AP2B1: variants seen among roughly 807,000 people sequenced by gnomAD.
AP2B1 encodes AP-2 complex subunit beta.
AP2B1 carries 23 observed loss-of-function variants against 102.0 expected under a neutral mutation model. The observed-to-expected ratio is 0.23, with a 90% confidence interval of 0.16 to 0.32. The LOEUF (loss-of-function observed/expected upper bound fraction) is 0.32. Among genes scored for constraint, AP2B1 ranks in the 10% least tolerant of loss-of-function variants. The probability of loss-of-function intolerance (pLI) is 1.00; values close to 1 mark genes in which losing one functional copy is unlikely to be tolerated. For missense variants in AP2B1, 541 were observed against 1,157.4 expected, an observed-to-expected ratio of 0.47 and a Z score of 7.73; for synonymous variants, 381 against 421.2, an observed-to-expected ratio of 0.90 and a Z score of 1.17.
intron 2 of AP2B1, among the ~76,000 whole-genome samples, 189 bp downstream of exon 2, chr17:35,594,256 G>T (rs1168610738): frequency 2.0e-5 from 3 of 152,170 alleles, no homozygotes; most frequent in Non-Finnish European, 2.9e-5. Context: ...AAAAGAGAGG[G>T]CTGTGATGCA....
intron 3 of AP2B1, among the ~76,000 whole-genome samples, chr17:35,603,872 G>A (rs1397312984): frequency 1.3e-5 from 2 of 152,136 alleles, no homozygotes; most frequent in Non-Finnish European, 2.9e-5. Context: ...GGAGCCACCC[G>A]CGAAAAGTCA....
chr17:35,710,124 A>G (rs2076417688), intron 19 of AP2B1, 110 bp from the exon 20 acceptor site: 1 of 752,530 alleles, frequency 1.3e-6, no homozygotes, highest in African/African-American at 1.7e-5. Flanking sequence ...GCCTGCTGCT[A>G]GCTGTATTGC....
chr17:35,677,772 T>A (rs1007057926), intron 17 of AP2B1, among the ~76,000 whole-genome samples: 1 of 152,186 alleles, frequency 6.6e-6, no homozygotes, highest in East Asian at 1.9e-4. Context: ...CTTTAATTTC[T>A]TTTTGCAATG....
At chr17:35,689,424 C>T (rs945031367) in intron 18 of AP2B1, among the ~76,000 whole-genome samples, 2 of 152,132 alleles carry the variant, frequency 1.3e-5, no homozygotes, top group African/African-American at 4.8e-5. Flanking sequence ...GGGTGATCCG[C>T]CCTTGTGGGA....
chr17:35,703,238 C>T (rs1383320698), intron 18 of AP2B1, among the ~76,000 whole-genome samples: 126 of 128,870 alleles, frequency 9.8e-4, no homozygotes, highest in African/African-American at 3.8e-3. Flanking sequence ...GCACTCCAGC[C>T]TGGGTGACAG....
chr17:35,629,597 C>T (rs1468769600), intron 9 of AP2B1, among the ~76,000 whole-genome samples: 3 of 152,124 alleles, frequency 2.0e-5, no homozygotes. Flanking sequence ...GTGATGATTG[C>T]ATATCTATGC....
At chr17:35,707,879 A>T (rs2076376199) in intron 18 of AP2B1, among the ~76,000 whole-genome samples, 1 of 152,226 alleles carries the variant, frequency 6.6e-6, no homozygotes, top group Non-Finnish European at 1.5e-5. Flanking sequence ...CATGTTATAT[A>T]TAGGTCACAA....
At chr17:35,682,434 C>T (rs1313588693) in intron 17 of AP2B1, among the ~76,000 whole-genome samples, 5 of 150,512 alleles carry the variant, frequency 3.3e-5, no homozygotes, top group Non-Finnish European at 7.4e-5. Flanking sequence ...CCTCCGCCTC[C>T]CGAGTTCAAG....
At chr17:35,714,789 TTTATTCTATGC>T (rs2076519858) in intron 20 of AP2B1, among the ~76,000 whole-genome samples, 1 of 152,250 alleles carries the variant, frequency 6.6e-6, no homozygotes, top group Non-Finnish European at 1.5e-5. Context: ...ACCATCTTTT[TTTATTCTATGC>T]TTTGGGATAA....
intron 17 of AP2B1, among the ~76,000 whole-genome samples, chr17:35,676,432 A>T (rs1262322303): frequency 6.6e-6 from 1 of 152,182 alleles, no homozygotes; most frequent in Non-Finnish European, 1.5e-5. Context: ...TGCTTTTGAA[A>T]TGTGTATATC....
chr17:35,694,874 C>G (rs779650499), intron 18 of AP2B1, among the ~76,000 whole-genome samples: 5 of 152,014 alleles, frequency 3.3e-5, no homozygotes, highest in Non-Finnish European at 7.4e-5. Flanking sequence ...CAGAGCAAGA[C>G]TTCATCTCAA....
intron 5 of AP2B1, among the ~76,000 whole-genome samples, chr17:35,611,464 C>T (rs1045318689): frequency 2.6e-5 from 4 of 151,052 alleles, no homozygotes; most frequent in East Asian, 1.9e-4. Flanking sequence ...GCAGTAAAGT[C>T]GTGTGTGTGT....
At chr17:35,591,006 C>T (rs2073077603) in intron 1 of AP2B1, among the ~76,000 whole-genome samples, 1 of 151,908 alleles carries the variant, frequency 6.6e-6, no homozygotes, top group Admixed American at 6.6e-5. Flanking sequence ...AAAACCCTGT[C>T]TCTACTAAAA....
rs769333700 is a variant in AP2B1 at position 35,650,673 on chromosome 17, G to A, written c.1680G>A (p.Leu560=). The change falls in exon 13 of 22, where the codon CTG becomes CTA. Residue 560 remains leucine, a synonymous_variant. Coordinates refer to ENST00000610402, the MANE Select transcript of AP2B1 (RefSeq NM_001030006.2). ...EETDLIEPTL[L]DELICHIGSL... ...CGGACCTTATTGAGCCAACTCTGCT[G>A]GATGAGCTAATCTGCCACATTGGTT... is the stretch of plus-strand genomic sequence containing the variant. 6.2e-7 allele frequency: 1 copy of A among 1,614,054 alleles called. No homozygotes were observed. Among genetic ancestry groups the A allele is most frequent in the East Asian group, 2.2e-5 (1 of 44,894 alleles).
At chr17:35,656,724 A>C (rs1396095864) in intron 13 of AP2B1, among the ~76,000 whole-genome samples, 3 of 151,848 alleles carry the variant, frequency 2.0e-5, no homozygotes, top group Admixed American at 2.0e-4. Context: ...TCTACTAAAA[A>C]TACAAAAAAA....
chr17:35,671,996 A>C (rs563382762), intron 16 of AP2B1, 96 bp downstream of exon 16: 1 of 1,427,794 alleles, frequency 7.0e-7, no homozygotes, highest in African/African-American at 1.4e-5. Context: ...GTAATAAATC[A>C]AAGGTTTGGG....
intron 5 of AP2B1, among the ~76,000 whole-genome samples, chr17:35,611,688 T>G (rs1214271305): frequency 6.6e-6 from 1 of 152,200 alleles, no homozygotes; most frequent in Non-Finnish European, 1.5e-5. Context: ...TTTTTTATTG[T>G]GGGAATCTTC....
chr17:35,699,506 A>G (rs1215242760), intron 18 of AP2B1, among the ~76,000 whole-genome samples: 1 of 152,130 alleles, frequency 6.6e-6, no homozygotes, highest in Non-Finnish European at 1.5e-5. Flanking sequence ...CCCCTGATCT[A>G]TTGGGTGGAC....
rs905540816 is a variant in AP2B1, at chr17:35,724,412, G to T, written c.*713G>T. 1 of 152,024 alleles carries T rather than the reference G, an allele frequency of 6.6e-6. No homozygotes were observed. Among genetic ancestry groups the T allele is most frequent in the African/African-American group, 2.4e-5 (1 of 41,356 alleles). The allele number at this position is 152,024 out of a possible 1,614,324, so 9.4% of individuals were successfully genotyped here. On this transcript the variant is annotated 3_prime_UTR_variant, in exon 22 of 22. Transcript: ENST00000610402. ...TGATCTTCTTGAATGATGTTTCAGT[G>T]TGCAAAAACTATAGAGCCTGTCAGC...
Sources: gnomAD v4.1 joint callset for allele counts (sites outside exome capture counted in the v4.1 genomes callset) on GRCh38, gnomAD v4.1.1 for gene constraint, MANE v1.5 for transcripts, NCBI Gene and HGNC (gene_info 2026-07-23, HGNC 2026-07-21) for gene names.